Variants in NRXN1 observed in about 807,000 individuals in gnomAD.
NRXN1 encodes the protein neurexin 1.
A neutral mutation model predicts 150.9 loss-of-function variants in NRXN1; 39 were observed. The ratio of observed to expected loss-of-function variants is 0.26; its 90% CI spans 0.20 to 0.34. The LOEUF (loss-of-function observed/expected upper bound fraction) is 0.34. NRXN1 is among the 10% of genes least tolerant of loss of function. The pLI is 1.00. For missense variants in NRXN1, 1,815 were observed against 1,949.9 expected (o/e 0.93, Z 1.30); for synonymous variants, 924 against 757.0 (o/e 1.22, Z -3.62).
At chr2:50,117,736 C>T (rs1313816235) in intron 18 of NRXN1, among the ~76,000 whole-genome samples, 1 of 150,034 alleles carries the variant, frequency 6.7e-6, no homozygotes, top group East Asian at 2.0e-4. Context: ...TACTTCTCAC[C>T]GATTCAGTGA....
intron 18 of NRXN1, among the ~76,000 whole-genome samples, chr2:50,224,698 AGAGAGAGAGAGAG>A (rs2064200614): frequency 1.7e-5 from 1 of 60,552 alleles, no homozygotes; most frequent in African/African-American, 6.2e-5. Flanking sequence ...GGAGAAAGAG[AGAGAGAGAGAGAG>A]AGAGAGAGAG....
At position 50,805,452 on chromosome 2, in the gene NRXN1, C is replaced by T. The variant is rs193218325; in HGVS notation, c.832+116417G>A. ...GGCAGATCACTTGAGGCCAGGAATT[C>T]GAGACCAGCCTGGCCGACATGGCAA... On this transcript the variant is annotated intron_variant, in intron 5 of 22. Transcript: ENST00000401669. 1.3e-3 allele frequency among the ~76,000 whole-genome samples: 194 copies of T among 152,136 alleles called. 1 individual carries two copies. The highest frequency in any genetic ancestry group is 4.1e-3 in the African/African-American group (171 of 41,502).
intron 17 of NRXN1, among the ~76,000 whole-genome samples, chr2:50,333,868 T>G (rs557134808): frequency 6.6e-6 from 1 of 152,220 alleles, no homozygotes; most frequent in African/African-American, 2.4e-5. Context: ...AACCTAAATA[T>G]CTGCATATTG....
At chr2:50,651,526 T>A (rs1159314765) in intron 5 of NRXN1, among the ~76,000 whole-genome samples, 2 of 151,552 alleles carry the variant, frequency 1.3e-5, no homozygotes, top group African/African-American at 4.9e-5. Context: ...TGACATAACA[T>A]AACATAACAT....
At chr2:50,556,878 A>G (rs1398849287) in intron 8 of NRXN1, among the ~76,000 whole-genome samples, 1 of 152,160 alleles carries the variant, frequency 6.6e-6, no homozygotes, top group East Asian at 1.9e-4. Flanking sequence ...ACTGACATCT[A>G]TAAAGGAAAG....
intron 5 of NRXN1, among the ~76,000 whole-genome samples, chr2:50,745,434 C>T (rs1454285528): frequency 7.8e-6 from 1 of 127,484 alleles, no homozygotes; most frequent in Non-Finnish European, 1.6e-5. Context: ...TTTTCTCTTT[C>T]CATTGAGAAA....
At chr2:50,058,352 A>G (rs1392355014) in intron 19 of NRXN1, among the ~76,000 whole-genome samples, 1 of 152,216 alleles carries the variant, frequency 6.6e-6, no homozygotes, top group Non-Finnish European at 1.5e-5. Flanking sequence ...CAAGGGGGTC[A>G]TATCTTCCTA....
intron 2 of NRXN1, 56 bp downstream of exon 2, chr2:51,027,446 T>C: frequency 6.8e-7 from 1 of 1,465,762 alleles, no homozygotes; most frequent in East Asian, 2.4e-5. Context: ...CCCGGTCCCC[T>C]CCTCCCCGAG....
At chr2:50,422,334 G>C (rs941989563) in intron 17 of NRXN1, among the ~76,000 whole-genome samples, 4 of 151,960 alleles carry the variant, frequency 2.6e-5, no homozygotes, top group African/African-American at 9.7e-5. Flanking sequence ...TAAAAACAAA[G>C]AAAAACATTT....
chr2:50,381,007 G>A (rs2080918112), intron 17 of NRXN1, among the ~76,000 whole-genome samples: 1 of 152,042 alleles, frequency 6.6e-6, no homozygotes, highest in Non-Finnish European at 1.5e-5. Flanking sequence ...ATATAGTGAT[G>A]ATTTATTTGT....
chr2:50,176,868 G>C (rs148979606), intron 18 of NRXN1, among the ~76,000 whole-genome samples: 1 of 151,994 alleles, frequency 6.6e-6, no homozygotes, highest in African/African-American at 2.4e-5. Flanking sequence ...AAGACATACA[G>C]GTTGCTTTCA....
chr2:50,886,229 C>T (rs1680221762), intron 5 of NRXN1, among the ~76,000 whole-genome samples: 1 of 150,768 alleles, frequency 6.6e-6, no homozygotes, highest in Non-Finnish European at 1.5e-5. Context: ...AATAAAGGCC[C>T]ATAGAAATGA....
intron 13 of NRXN1, among the ~76,000 whole-genome samples, chr2:50,503,301 C>T (rs774705581): frequency 6.7e-6 from 1 of 148,362 alleles, no homozygotes; most frequent in Non-Finnish European, 1.5e-5. Flanking sequence ...GAATGAGACT[C>T]CATCTCAAAA....
At chr2:49,974,614 C>G (rs1421686373) in intron 21 of NRXN1, among the ~76,000 whole-genome samples, 1 of 152,116 alleles carries the variant, frequency 6.6e-6, no homozygotes, top group African/African-American at 2.4e-5. Context: ...AGTAGAATCT[C>G]CTCGAAGCCT....
Position 50,380,659 on chromosome 2 carries a change from G to A in NRXN1, c.3364+84783C>T, listed in dbSNP as rs116569772. 4.6e-3 allele frequency among the ~76,000 whole-genome samples: 706 copies of A among 152,126 alleles called. 5 individuals are homozygous for A. The highest frequency in any genetic ancestry group is 6.6e-3 in the Non-Finnish European group (452 of 67,984). ...GTGCCTTGTGCAAAGAAGACAGCAC[G>A]TGCCCAATACATAATGTGCACTCAA... On this transcript the variant is annotated intron_variant, in intron 17 of 22. Coordinates refer to ENST00000401669, the MANE Select transcript of NRXN1 (RefSeq NM_001330078.2).
chr2:50,409,091 C>T (rs1196938678), intron 17 of NRXN1, among the ~76,000 whole-genome samples: 3 of 152,162 alleles, frequency 2.0e-5, no homozygotes, highest in African/African-American at 7.2e-5. Context: ...AGCCAAGAGG[C>T]AGCTCTCCCC....
At chr2:50,281,537 G>C (rs909216898) in intron 17 of NRXN1, among the ~76,000 whole-genome samples, 3 of 151,700 alleles carry the variant, frequency 2.0e-5, no homozygotes, top group Admixed American at 1.3e-4. Context: ...AAACACATTA[G>C]AAAATATCTG....
chr2:50,629,533 G>A (rs1681856311), intron 5 of NRXN1, among the ~76,000 whole-genome samples: 1 of 151,518 alleles, frequency 6.6e-6, no homozygotes, highest in Admixed American at 6.6e-5. Flanking sequence ...TGATTTAAGG[G>A]TTGCCTATGG....
intron 19 of NRXN1, among the ~76,000 whole-genome samples, chr2:50,079,713 T>C (rs1179191078): frequency 6.6e-6 from 1 of 152,122 alleles, no homozygotes; most frequent in Non-Finnish European, 1.5e-5. Flanking sequence ...TTTAAAATAC[T>C]AAATCATACA....
Sources: allele counts gnomAD v4.1 joint callset (sites outside exome capture counted in the v4.1 genomes callset), GRCh38; gene constraint gnomAD v4.1.1; transcripts MANE v1.5; gene names NCBI Gene and HGNC (gene_info 2026-07-23, HGNC 2026-07-21).